WNT2B: variants seen among roughly 807,000 people sequenced by gnomAD.
WNT2B encodes the protein Wnt family member 2B.
WNT2B carries 19 observed loss-of-function variants against 40.5 expected under a neutral mutation model. The ratio of observed to expected loss-of-function variants is 0.47; its 90% CI spans 0.33 to 0.69. WNT2B has a LOEUF of 0.69. Among genes scored for constraint, WNT2B ranks in the 30% least tolerant of loss-of-function variants. The pLI is 0.02. For synonymous variants in WNT2B, 220 were observed against 211.9 expected (o/e 1.04, Z -0.33); for missense variants, 467 against 556.4 (o/e 0.84, Z 1.62).
intron 1 of WNT2B, among the ~76,000 whole-genome samples, chr1:112,486,244 G>A (rs540187466): frequency 1.8e-3 from 271 of 151,732 alleles, no homozygotes; most frequent in African/African-American, 6.3e-3. Flanking sequence ...GCAGTTTGAG[G>A]CCAGCCTGGG....
chr1:112,512,764 T>C (rs1377949654), intron 1 of WNT2B, among the ~76,000 whole-genome samples: 1 of 152,100 alleles, frequency 6.6e-6, no homozygotes, highest in African/African-American at 2.4e-5. Flanking sequence ...GAGAGGAAGA[T>C]GTGGTTAGCC....
At chr1:112,478,530 C>T (rs1651120782) in intron 1 of WNT2B, among the ~76,000 whole-genome samples, 1 of 151,992 alleles carries the variant, frequency 6.6e-6, no homozygotes, top group African/African-American at 2.4e-5. Context: ...CAGAAGAAAA[C>T]TTGCTGACCA....
At chr1:112,511,191 G>A (rs542638466) in intron 1 of WNT2B, among the ~76,000 whole-genome samples, 9 of 144,028 alleles carry the variant, frequency 6.2e-5, no homozygotes, top group South Asian at 2.5e-4. Context: ...ACCCTCCCCT[G>A]ATGTGGTTCA....
chr1:112,517,435 GC>G, intron 4 of WNT2B, 50 bp downstream of exon 4: 2 of 1,559,282 alleles, frequency 1.3e-6, no homozygotes, highest in Non-Finnish European at 8.7e-7. Flanking sequence ...CTTAGTGCAG[GC>G]ACCCCTGGTT....
chr1:112,524,297 C>T lies in WNT2B; in HGVS notation c.*3788C>T, dbSNP rs1653082975. 1 of 152,464 alleles carries T rather than the reference C, an allele frequency of 6.6e-6. No homozygotes were observed. The highest frequency in any genetic ancestry group is 1.5e-5 in the Non-Finnish European group (1 of 68,018). 9.4% of individuals were successfully genotyped at this position (152,464 alleles called of 1,614,324 possible). A position where few individuals can be genotyped will look rare whatever the true frequency, so the allele number is the denominator to read the frequency against. On this transcript the variant is annotated 3_prime_UTR_variant, in exon 5 of 5. Coordinates refer to ENST00000369684, the MANE Select transcript of WNT2B (RefSeq NM_024494.3). ...TCTGAGGTTTTTATTTAAATGCACT[C>T]AGTGGTCATAGGGCAGAAGCTCAAG...
At chr1:112,479,514 C>T (rs547940679) in intron 1 of WNT2B, among the ~76,000 whole-genome samples, 58 of 151,838 alleles carry the variant, frequency 3.8e-4, no homozygotes, top group Non-Finnish European at 5.9e-4. Context: ...ACAGAAGTTG[C>T]AGTGAGCCAA....
At position 112,514,799 on chromosome 1, in the gene WNT2B, C is replaced by T. The variant is rs191683219; in HGVS notation, c.183-75C>T. ...ATCTCTTCAAGGTCTGGATGCTAAA[C>T]GTACCCCTTCCTTATTCCCTCCCAA... On this transcript the variant is annotated intron_variant, in intron 1 of 4. Coordinates refer to ENST00000369684, the MANE Select transcript of WNT2B (RefSeq NM_024494.3). 2.0e-4 allele frequency: 290 copies of T among 1,445,694 alleles called. No homozygotes were observed. In the African/African-American group the frequency reaches 3.6e-3, roughly 18 times the overall value. The allele number at this position is 1,445,694 out of a possible 1,614,324, so 89.6% of individuals were successfully genotyped here. A position where few individuals can be genotyped will look rare whatever the true frequency, so the allele number is the denominator to read the frequency against.
upstream of WNT2B, among the ~76,000 whole-genome samples, chr1:112,506,256 C>T (rs1196711007): frequency 6.6e-6 from 1 of 152,230 alleles, no homozygotes; most frequent in East Asian, 1.9e-4. Flanking sequence ...AACTCGGCCT[C>T]CCAATGTGCT....
At position 112,526,320 on chromosome 1, in the gene WNT2B, C is replaced by T. The variant is rs915702830; in HGVS notation, c.*5811C>T. The T allele has an allele frequency of 2.0e-6, 1 of 492,824 alleles. No homozygotes were observed. Among genetic ancestry groups the T allele is most frequent in the Non-Finnish European group, 3.5e-6 (1 of 287,374 alleles). The allele number at this position is 492,824 out of a possible 1,614,324, so 30.5% of individuals were successfully genotyped here. A position where few individuals can be genotyped will look rare whatever the true frequency, so the allele number is the denominator to read the frequency against. On this transcript the variant is annotated 3_prime_UTR_variant, in exon 5 of 5. Coordinates refer to ENST00000369684, the MANE Select transcript of WNT2B (RefSeq NM_024494.3). The stretch of plus-strand genomic sequence containing the variant: ...ATTCCACATTTAAACAACTCTGGCT[C>T]CTAATTCTACTCCTTTTTTCCCCTT...
rs141070301 is a variant in WNT2B at position 112,517,255 on chromosome 1, T to A, written c.816T>A (p.Ala272=). Residue 272 remains alanine (A), a synonymous_variant, in exon 4 of 5, where the codon GCT becomes GCA. Coordinates refer to ENST00000369684, the MANE Select transcript of WNT2B (RefSeq NM_024494.3). ...ACCTGCGGCGACGCTATGATGGGGC[T>A]GTGCAGGTGATGGCCACCCAAGATG... is the stretch of plus-strand genomic sequence containing the variant. ...GDYLRRRYDG[A]VQVMATQDGA... 1.7e-5 allele frequency: 28 copies of A among 1,614,108 alleles called. No individual in the cohort carries two copies. The African/African-American group carries it at 3.6e-4, about 21-fold the overall frequency.
At chr1:112,511,773 A>G (rs1652360616) in intron 1 of WNT2B, among the ~76,000 whole-genome samples, 1 of 152,220 alleles carries the variant, frequency 6.6e-6, no homozygotes. Flanking sequence ...AGGCTCACAA[A>G]GGGAGAGAAA....
chr1:112,505,956 A>AC (rs996269677), upstream of WNT2B, among the ~76,000 whole-genome samples: 1 of 151,656 alleles, frequency 6.6e-6, no homozygotes, highest in African/African-American at 2.4e-5. Context: ...TTCTGGCTGT[A>AC]CCCCCCTCAC....
intron 1 of WNT2B, among the ~76,000 whole-genome samples, chr1:112,484,310 G>T (rs138613570): frequency 0.028 from 3,596 of 128,092 alleles, 160 homozygotes; most frequent in African/African-American, 0.1. Flanking sequence ...TATATATAGA[G>T]AGAGAGAGAG....
Position 112,470,379 on chromosome 1 carries a change from G to A in WNT2B, c.-95+2788G>A, listed in dbSNP as rs374695665. ...TGAGGCGGGTGGATCACCTGAGGAC[G>A]GGAGTTTGAGACCAGCCTGGCCAAT... On this transcript the variant is annotated intron_variant, in intron 1 of 4. Transcript: ENST00000256640. Among the ~76,000 whole-genome samples, 37 of 152,112 alleles carry A rather than the reference G, an allele frequency of 2.4e-4. 1 individual carries two copies. The highest frequency in any genetic ancestry group is 1.7e-3 in the East Asian group (9 of 5,154).
At chr1:112,470,320 G>A (rs1650841667) in intron 1 of WNT2B, among the ~76,000 whole-genome samples, 2 of 152,168 alleles carry the variant, frequency 1.3e-5, no homozygotes, top group Admixed American at 1.3e-4. Context: ...GGGGTGCGAT[G>A]GCTCACCCTT....
intron 1 of WNT2B, among the ~76,000 whole-genome samples, chr1:112,469,972 G>A (rs777800255): frequency 4.6e-5 from 7 of 152,094 alleles, no homozygotes; most frequent in Non-Finnish European, 8.8e-5. Flanking sequence ...TTTCTGAGTA[G>A]CTCATCTTTT....
chr1:112,524,902 G>A lies in WNT2B; in HGVS notation c.*4393G>A, dbSNP rs1285868727. On this transcript the variant is annotated 3_prime_UTR_variant, in exon 5 of 5. Coordinates refer to ENST00000369684, the MANE Select transcript of WNT2B (RefSeq NM_024494.3). ...AGTACTTCAAAAAGGATACCAATAG[G>A]GTCTGGCTTTAATCAAGGAATATCT... is the stretch of plus-strand genomic sequence containing the variant. The A allele has an allele frequency of 1.3e-5, 2 of 152,052 alleles. No individual in the cohort carries two copies. Among genetic ancestry groups the A allele is most frequent in the African/African-American group, 4.8e-5 (2 of 41,378 alleles). 9.4% of individuals were successfully genotyped at this position (152,052 alleles called of 1,614,324 possible). A position where few individuals can be genotyped will look rare whatever the true frequency, so the allele number is the denominator to read the frequency against.
At chr1:112,513,186 C>T (rs893077728) in intron 1 of WNT2B, among the ~76,000 whole-genome samples, 4 of 152,090 alleles carry the variant, frequency 2.6e-5, no homozygotes, top group East Asian at 1.9e-4. Flanking sequence ...GGAAGCTGAA[C>T]GGTGGTGAGA....
At chr1:112,484,064 G>A (rs1011488043) in intron 1 of WNT2B, among the ~76,000 whole-genome samples, 9 of 148,562 alleles carry the variant, frequency 6.1e-5, no homozygotes, top group African/African-American at 2.0e-4. Context: ...AGTTCAAGAC[G>A]AACCTGAGCA....
Sources: gnomAD v4.1 joint callset for allele counts (sites outside exome capture counted in the v4.1 genomes callset) on GRCh38, gnomAD v4.1.1 for gene constraint, MANE v1.5 for transcripts, NCBI Gene and HGNC (gene_info 2026-07-23, HGNC 2026-07-21) for gene names.